Variants in TJAP1 observed in about 807,000 individuals in gnomAD.
The protein encoded by TJAP1 is tight junction associated protein 1.
In TJAP1, 27 loss-of-function variants were observed where a neutral mutation model predicts 42.0. The ratio of observed to expected loss-of-function variants is 0.64; its 90% CI spans 0.47 to 0.89. The LOEUF (loss-of-function observed/expected upper bound fraction) is 0.89. TJAP1 is among the 40% of genes least tolerant of loss of function. TJAP1 has a pLI of 0.00. For synonymous variants in TJAP1, 257 were observed against 288.4 expected, an observed-to-expected ratio of 0.89 and a Z score of 1.10; for missense variants, 712 against 726.9, an observed-to-expected ratio of 0.98 and a Z score of 0.24.
chr6:43,499,114 G>T lies in TJAP1; in HGVS notation c.99+14G>T. ...CTTGAGCAGGAGGTCAGCAAGACTG[G>T]TATCACAGCCTGACCGGCAGAGGCA... On this transcript the variant is annotated intron_variant, in intron 4 of 10. Coordinates refer to ENST00000372449, the Ensembl canonical transcript of TJAP1. 6.2e-7 allele frequency: 1 copy of T among 1,613,070 alleles called. No homozygotes were observed. The highest frequency in any genetic ancestry group is 8.5e-7 in the Non-Finnish European group (1 of 1,179,850).
chr6:43,483,391 C>T (rs186679063), intron 2 of TJAP1, among the ~76,000 whole-genome samples: 223 of 152,362 alleles, frequency 1.5e-3, no homozygotes, highest in African/African-American at 4.5e-3. Flanking sequence ...ATGCTCACCT[C>T]TGCCTCTGAA....
At chr6:43,500,605 G>A (rs887666612) in intron 4 of TJAP1, 139 bp from the exon 5 acceptor site, 31 of 877,022 alleles carry the variant, frequency 3.5e-5, no homozygotes, top group African/African-American at 1.5e-4. Flanking sequence ...GCTTCCATCC[G>A]TAGAGAGCCC....
chr6:43,496,500 C>T (rs1789190151), intron 2 of TJAP1, among the ~76,000 whole-genome samples: 2 of 152,232 alleles, frequency 1.3e-5, no homozygotes, highest in Non-Finnish European at 1.5e-5. Context: ...CACGTTCTGC[C>T]TCCTGTCAGG....
intron 2 of TJAP1, among the ~76,000 whole-genome samples, chr6:43,484,394 G>A (rs900293126): frequency 6.6e-6 from 1 of 152,154 alleles, no homozygotes; most frequent in Non-Finnish European, 1.5e-5. Context: ...GGGAGGTGGA[G>A]GTTACAGTGA....
At chr6:43,481,533 T>G (rs1785317409) in intron 2 of TJAP1, among the ~76,000 whole-genome samples, 1 of 140,230 alleles carries the variant, frequency 7.1e-6, no homozygotes, top group Non-Finnish European at 1.6e-5. Flanking sequence ...TGAATAAAAT[T>G]AATAAAATTT....
At chr6:43,504,336 C>T (rs899521600) in intron 10 of TJAP1, 26 of 228,402 alleles carry the variant, frequency 1.1e-4, no homozygotes, top group Non-Finnish European at 2.1e-4. Context: ...AGGATGGTCT[C>T]GATCTCCTGA....
intron 2 of TJAP1, among the ~76,000 whole-genome samples, chr6:43,481,146 G>A (rs1293153409): frequency 6.6e-6 from 1 of 152,144 alleles, no homozygotes; most frequent in Non-Finnish European, 1.5e-5. Flanking sequence ...AAAATGTTTA[G>A]GGGCTGAGTT....
At chr6:43,503,360 G>A in intron 8 of TJAP1, 41 bp from the exon 9 acceptor site, 4 of 1,521,136 alleles carry the variant, frequency 2.6e-6, no homozygotes, top group Non-Finnish European at 3.6e-6. Context: ...GGAAGGGCTG[G>A]CTAGAGTGTG....
rs550373868 is a variant in TJAP1, at chr6:43,505,512, G to T, written c.1331G>T (p.Arg444Leu). The T allele has an allele frequency of 1.9e-5, 30 of 1,613,814 alleles. No individual in the cohort carries two copies. Among genetic ancestry groups the T allele is most frequent in the Non-Finnish European group, 2.5e-5 (29 of 1,180,026 alleles). ...CGCGATGCCCTCCCTGAGCTGCAGC[G>T]CCATTTTGCCCATAGCCCCGCTGAC... The change falls in exon 11 of 11, where the codon CGC (arginine) becomes CTC (leucine). Residue 444 changes from arginine (R) to leucine (L), a missense_variant. Physicochemically the swap from Arg to Leu is moderately radical, Grantham distance 102. Around this residue, in one of 3 missense-constraint regions of TJAP1, gnomAD observed 549 missense variants for 528.2 expected, o/e 1.04. Coordinates refer to ENST00000372449, the Ensembl canonical transcript of TJAP1. The surrounding 1 kb of genome is among the most constrained non-coding windows in gnomAD (Gnocchi z 5.5).
intron 2 of TJAP1, among the ~76,000 whole-genome samples, chr6:43,496,238 C>G (rs114906410): frequency 2.0e-5 from 3 of 152,156 alleles, no homozygotes; most frequent in Non-Finnish European, 2.9e-5. Context: ...TTCCAACTCA[C>G]GCACCCCACA....
chr6:43,502,706 G>A lies in TJAP1; in HGVS notation c.387+89G>A, dbSNP rs1791230383. 7.1e-6 allele frequency: 10 copies of A among 1,412,220 alleles called. No homozygotes were observed. The East Asian group carries it at 2.2e-4, about 32-fold the overall frequency. 87.5% of individuals were successfully genotyped at this position (1,412,220 alleles called of 1,614,324 possible). ...TTGTGGGCCCTGGCTGTTACCCTGT[G>A]CCCCTTGAGTACACCCGCTCCTTTC... On this transcript the variant is annotated intron_variant, in intron 8 of 10. Transcript: ENST00000372449.
chr6:43,505,053 GCCA>G lies in TJAP1; in HGVS notation c.874_876del (p.His292del). Reference sequence around the variant, plus strand: ...CCCACCCCACAACCCAATGGGGAGTGCCACTCTCTGGGTACTGCCAGGGGCTCC... The same window carrying G: ...CCCACCCCACAACCCAATGGGGAGTGCTCTCTGGGTACTGCCAGGGGCTCC... On this transcript the variant is annotated inframe_deletion, in exon 11 of 11. Coordinates refer to ENST00000372449, the Ensembl canonical transcript of TJAP1. The surrounding 1 kb of genome is among the most constrained non-coding windows in gnomAD (Gnocchi z 5.5). The G allele has an allele frequency of 1.2e-6, 2 of 1,614,020 alleles. No individual in the cohort carries two copies. The highest frequency in any genetic ancestry group is 1.7e-6 in the Non-Finnish European group (2 of 1,180,004).
intron 5 of TJAP1, 152 bp from the exon 6 acceptor site, chr6:43,501,374 G>A (rs1790473925): frequency 2.9e-6 from 2 of 693,068 alleles, no homozygotes; most frequent in Non-Finnish European, 2.5e-6. Context: ...GAAATATGCT[G>A]CCTTAGACTC....
Position 43,495,439 on chromosome 6 carries a change from G to C in TJAP1, c.-121-2442G>C, listed in dbSNP as rs565618081. Among the ~76,000 whole-genome samples, 2 of 152,180 alleles carry C rather than the reference G, an allele frequency of 1.3e-5. No individual in the cohort carries two copies. Among genetic ancestry groups the C allele is most frequent in the African/African-American group, 4.8e-5 (2 of 41,440 alleles). On this transcript the variant is annotated intron_variant, in intron 2 of 10. Transcript: ENST00000372449. The surrounding 1 kb of genome is among the most constrained non-coding windows in gnomAD (Gnocchi z 4.6). The stretch of plus-strand genomic sequence containing the variant: ...TTTCAGAAGTTGGAGCTAGGGCCTG[G>C]GTGTTGGGCACACCCTGTGTTTATG...
At position 43,500,785 on chromosome 6, in the gene TJAP1, T is replaced by A. The variant is rs751500318; in HGVS notation, c.128+13T>A. The A allele has an allele frequency of 1.2e-6, 2 of 1,613,690 alleles. No homozygotes were observed. The highest frequency in any genetic ancestry group is 2.2e-5 in the South Asian group (2 of 91,064). On this transcript the variant is annotated intron_variant, in intron 5 of 10. Transcript: ENST00000372449. Reference sequence around the variant, plus strand: ...CAGAAAGGATGAAGTGAGTATCTGCTACCTGAGATACTGCCCTGCCTCAAC... The same window carrying A: ...CAGAAAGGATGAAGTGAGTATCTGCAACCTGAGATACTGCCCTGCCTCAAC...
At chr6:43,504,856 T>G in exon 11 of TJAP1, 2 of 1,614,178 alleles carry the variant, frequency 1.2e-6, no homozygotes, top group Non-Finnish European at 1.7e-6. Context: ...CCCCAGGGGC[T>G]GTGGTGCCTA....
chr6:43,505,830 A>C lies in TJAP1; in HGVS notation c.1649A>C (p.Gln550Pro). Reference sequence around the variant, plus strand: ...CGCAAGGACAGCCTGACCCAGGCCCAGGAGCAGGGCAACCTGCTCAACTAG... The same window carrying C: ...CGCAAGGACAGCCTGACCCAGGCCCCGGAGCAGGGCAACCTGCTCAACTAG... The change falls in exon 11 of 11, where the codon CAG (glutamine) becomes CCG (proline). Residue 550 changes from glutamine to proline, a missense_variant. By Grantham distance (76) the Gln-to-Pro change is moderately conservative. This residue lies in a region of TJAP1 where 549 missense variants were observed against 528.2 expected (regional missense o/e 1.04). Coordinates refer to ENST00000372449, the Ensembl canonical transcript of TJAP1. This position sits in a 1 kb window ranked among gnomAD's most constrained non-coding sequence, Gnocchi z 5.5. The C allele has an allele frequency of 6.7e-7, 1 of 1,487,170 alleles. No individual in the cohort carries two copies. The highest frequency in any genetic ancestry group is 8.9e-7 in the Non-Finnish European group (1 of 1,123,142). 92.1% of individuals were successfully genotyped at this position (1,487,170 alleles called of 1,614,324 possible). A position where few individuals can be genotyped will look rare whatever the true frequency, so the allele number is the denominator to read the frequency against.
intron 6 of TJAP1, among the ~76,000 whole-genome samples, 188 bp downstream of exon 6, chr6:43,501,875 G>A (rs1302642577): frequency 9.5e-5 from 13 of 136,226 alleles, no homozygotes; most frequent in African/African-American, 3.1e-4. Context: ...AGTTCTGCAG[G>A]TGTGGGAATG....
chr6:43,501,539 G>C, exon 6 of TJAP1: 1 of 1,613,560 alleles, frequency 6.2e-7, no homozygotes, highest in Non-Finnish European at 8.5e-7. Flanking sequence ...CTTACAGGAG[G>C]AGAATGAAGA....
Sources: gnomAD v4.1 joint callset for allele counts (sites outside exome capture counted in the v4.1 genomes callset) on GRCh38, gnomAD v4.1.1 for gene constraint, gnomAD v4.1.1 regional missense constraint, Gnocchi (gnomAD v3.1) non-coding constraint, MANE v1.5 for transcripts, NCBI Gene and HGNC (gene_info 2026-07-23, HGNC 2026-07-21) for gene names.